The following MBD5 variants were observed in gnomAD, a reference collection of about 807,000 sequenced individuals.
MBD5 encodes the protein methyl-CpG binding domain protein 5.
A neutral mutation model predicts 117.3 loss-of-function variants in MBD5; 13 were observed. That is an observed-to-expected ratio of 0.11 (90% CI 0.07 to 0.18). The LOEUF (loss-of-function observed/expected upper bound fraction) is 0.18. Among genes scored for constraint, MBD5 ranks in the 10% least tolerant of loss-of-function variants. The pLI, the probability that MBD5 is intolerant of heterozygous loss-of-function variation, is 1.00. For missense variants in MBD5, 1,879 were observed against 2,093.8 expected, an observed-to-expected ratio of 0.90 and a Z score of 2.00; for synonymous variants, 727 against 766.4, an observed-to-expected ratio of 0.95 and a Z score of 0.85.
chr2:148,148,024 T>C (rs998123069), intron 1 of MBD5, among the ~76,000 whole-genome samples: 1 of 152,196 alleles, frequency 6.6e-6, no homozygotes, highest in African/African-American at 2.4e-5. Context: ...TTTTTTTCTT[T>C]GATTTTTTTG....
At chr2:148,161,624 T>C (rs760342073) in intron 1 of MBD5, among the ~76,000 whole-genome samples, 3 of 152,182 alleles carry the variant, frequency 2.0e-5, no homozygotes, top group Non-Finnish European at 2.9e-5. Context: ...GCTGATTATT[T>C]GGGACAATGT....
At chr2:148,132,982 A>T (rs1697086387) in intron 1 of MBD5, among the ~76,000 whole-genome samples, 2 of 152,178 alleles carry the variant, frequency 1.3e-5, no homozygotes, top group Non-Finnish European at 2.9e-5. Flanking sequence ...AACATATTAT[A>T]TATTGGTATA....
intron 4 of MBD5, among the ~76,000 whole-genome samples, chr2:148,381,214 C>G (rs1157750898): frequency 1.3e-5 from 2 of 152,044 alleles, no homozygotes; most frequent in Non-Finnish European, 2.9e-5. Context: ...AAGTTAAAAA[C>G]TTTGAAAAAA....
At chr2:148,132,862 A>C (rs572722366) in intron 1 of MBD5, among the ~76,000 whole-genome samples, 1 of 152,312 alleles carries the variant, frequency 6.6e-6, no homozygotes, top group Admixed American at 6.5e-5. Flanking sequence ...TATAGCTACT[A>C]TGTACTTTTG....
At chr2:148,257,920 T>A (rs145410353) in intron 3 of MBD5, among the ~76,000 whole-genome samples, 1 of 152,216 alleles carries the variant, frequency 6.6e-6, no homozygotes, top group Non-Finnish European at 1.5e-5. Flanking sequence ...TACAGCTTCA[T>A]GCAAAGAGGG....
chr2:148,186,659 T>C (rs1450696210), intron 2 of MBD5, among the ~76,000 whole-genome samples: 2 of 152,178 alleles, frequency 1.3e-5, no homozygotes, highest in African/African-American at 4.8e-5. Flanking sequence ...AGAAAGTTTT[T>C]CCTTATAGTT....
rs1682283987 is a variant in MBD5 at position 148,513,830 on chromosome 2, A to C, written c.*889A>C. ...TTGATAGCCACCTGTTGAAGCAGAT[A>C]GCTTATACTGACTGCACCACCGCTG... On this transcript the variant is annotated 3_prime_UTR_variant, in exon 14 of 14. Coordinates refer to ENST00000642680, the MANE Select transcript of MBD5 (RefSeq NM_001378120.1). 6.6e-6 allele frequency: 1 copy of C among 152,340 alleles called. No homozygotes were observed. Among genetic ancestry groups the C allele is most frequent in the Non-Finnish European group, 1.5e-5 (1 of 68,034 alleles). The allele number at this position is 152,340 out of a possible 1,614,324, so 9.4% of individuals were successfully genotyped here.
At chr2:148,317,621 C>CT (rs1240079618) in intron 3 of MBD5, among the ~76,000 whole-genome samples, 1 of 152,088 alleles carries the variant, frequency 6.6e-6, no homozygotes, top group Non-Finnish European at 1.5e-5. Context: ...ACCCTCCCAC[C>CT]TTTTGTTGTC....
At chr2:148,389,186 GGTGTGTGTGTGTGTGTGT>G (rs70995313) in intron 4 of MBD5, among the ~76,000 whole-genome samples, 1 of 89,590 alleles carries the variant, frequency 1.1e-5, no homozygotes. Flanking sequence ...AGTATTCCGT[GGTGTGTGTGTGTGTGTGT>G]GTGTGTGTGT....
At chr2:148,147,431 G>C (rs1450210739) in intron 1 of MBD5, among the ~76,000 whole-genome samples, 1 of 151,026 alleles carries the variant, frequency 6.6e-6, no homozygotes, top group South Asian at 2.1e-4. Context: ...TAGTAGAGAC[G>C]AGGTTTCACC....
intron 1 of MBD5, chr2:148,054,632 A>G (rs1465119566): frequency 6.6e-6 from 1 of 152,220 alleles, no homozygotes; most frequent in Non-Finnish European, 1.5e-5. Context: ...TCACTTTTAC[A>G]GTCATTTTAG....
At chr2:148,172,701 G>A (rs1698290473) in intron 1 of MBD5, among the ~76,000 whole-genome samples, 1 of 152,048 alleles carries the variant, frequency 6.6e-6, no homozygotes, top group African/African-American at 2.4e-5. Context: ...GAAAACTTAT[G>A]ATGCTTTTTC....
intron 7 of MBD5, among the ~76,000 whole-genome samples, chr2:148,465,655 A>C (rs1041008222): frequency 6.6e-6 from 1 of 152,138 alleles, no homozygotes. Flanking sequence ...TCGCATAATA[A>C]GGGATGTTGT....
intron 8 of MBD5, among the ~76,000 whole-genome samples, chr2:148,481,496 T>C (rs1171789076): frequency 6.6e-6 from 1 of 152,222 alleles, no homozygotes; most frequent in Non-Finnish European, 1.5e-5. Context: ...TCAGTGACAC[T>C]GGTGTTGTTC....
rs573471110 is a variant in MBD5 at position 148,487,365 on chromosome 2, G to A, written c.3753+1415G>A. 6.6e-5 allele frequency among the ~76,000 whole-genome samples: 10 copies of A among 152,248 alleles called. No homozygotes were observed. The East Asian group carries it at 1.9e-3, about 29-fold the overall frequency. Reference sequence around the variant, plus strand: ...AAGAAGGAGGGGAGCAAGGAAGGGAGGTAAGAATGATGCACTCCAGTGCTG... The same window carrying A: ...AAGAAGGAGGGGAGCAAGGAAGGGAAGTAAGAATGATGCACTCCAGTGCTG... On this transcript the variant is annotated intron_variant, in intron 10 of 13. Transcript: ENST00000642680.
intron 4 of MBD5, among the ~76,000 whole-genome samples, chr2:148,443,824 T>G (rs1574428922): frequency 6.6e-6 from 1 of 150,820 alleles, no homozygotes; most frequent in South Asian, 2.1e-4. Flanking sequence ...TAAGACGGAG[T>G]ATTTGCTAGC....
At chr2:148,236,874 A>C (rs1396449505) in intron 3 of MBD5, among the ~76,000 whole-genome samples, 1 of 152,188 alleles carries the variant, frequency 6.6e-6, no homozygotes, top group Admixed American at 6.5e-5. Context: ...TCTGGTGTTT[A>C]GCATAGTCAC....
In MBD5 at chr2:148,282,201, A is replaced by G. The variant is rs564988656; in HGVS notation, c.-680+48806A>G. Among the ~76,000 whole-genome samples, 68 of 152,310 alleles carry G rather than the reference A, an allele frequency of 4.5e-4. 2 individuals are homozygous for G. The South Asian group carries it at 0.012, about 27-fold the overall frequency. ...ATTGCCAGTACCATCTTGACCAGGA[A>G]TCCTGTCAAAACAGTTTGCACATAC... On this transcript the variant is annotated intron_variant, in intron 3 of 13. Coordinates refer to ENST00000642680, the MANE Select transcript of MBD5 (RefSeq NM_001378120.1).
chr2:148,152,854 A>C (rs202220108), intron 1 of MBD5, among the ~76,000 whole-genome samples: 61,407 of 150,400 alleles, frequency 0.41, 12,851 homozygotes, highest in South Asian at 0.5. Flanking sequence ...AGATGGGTTT[A>C]CTGAATACAG....
Sources: allele counts gnomAD v4.1 joint callset (sites outside exome capture counted in the v4.1 genomes callset), GRCh38; gene constraint gnomAD v4.1.1; transcripts MANE v1.5; gene names NCBI Gene and HGNC (gene_info 2026-07-23, HGNC 2026-07-21).